Variants in SLC9A6 observed in about 807,000 individuals in gnomAD.
The protein encoded by SLC9A6 is sodium/hydrogen exchanger 6.
In SLC9A6, 6 loss-of-function variants were observed where a neutral mutation model predicts 45.3. The ratio of observed to expected loss-of-function variants is 0.13; its 90% CI spans 0.07 to 0.26. The LOEUF (loss-of-function observed/expected upper bound fraction) is 0.26, where lower values mean the gene tolerates loss of function less well. Among genes scored for constraint, SLC9A6 ranks in the 10% least tolerant of loss-of-function variants. The probability of loss-of-function intolerance (pLI) is 1.00; values close to 1 mark genes in which losing one functional copy is unlikely to be tolerated. For missense variants in SLC9A6, 278 were observed against 503.7 expected, an observed-to-expected ratio of 0.55 and a Z score of 4.29; for synonymous variants, 191 against 187.7, an observed-to-expected ratio of 1.02 and a Z score of -0.14.
chrX:136,032,686 A>G (rs782740056), intron 15 of SLC9A6, among the ~76,000 whole-genome samples: 4 of 111,724 alleles, frequency 3.6e-5, no homozygotes, highest in African/African-American at 6.5e-5. Flanking sequence ...GAATTTCCCT[A>G]CTTGTTTTTA....
chrX:136,018,193 T>C (rs2071057436), intron 11 of SLC9A6, among the ~76,000 whole-genome samples: 1 of 111,866 alleles, frequency 8.9e-6, no homozygotes, highest in Admixed American at 9.5e-5. Context: ...GGGACTATCT[T>C]GGGGGATGGC....
At chrX:136,001,192 C>G (rs1413545480) in intron 6 of SLC9A6, among the ~76,000 whole-genome samples, 1 of 108,691 alleles carries the variant, frequency 9.2e-6, no homozygotes, top group East Asian at 2.9e-4. Context: ...AAAAAATTAG[C>G]CAGGTGTTCT....
chrX:136,032,025 C>T (rs915950041), intron 15 of SLC9A6, among the ~76,000 whole-genome samples: 1 of 112,194 alleles, frequency 8.9e-6, no homozygotes, highest in South Asian at 3.7e-4. Context: ...AAGCCAAAAC[C>T]CAGAATCTAA....
In SLC9A6 at chrX:135,995,013, C is replaced by CT. The variant is rs1185917686; in HGVS notation, c.369+34dup. 1.0e-4 allele frequency: 102 copies of CT among 1,021,664 alleles called. 3 individuals are homozygous for CT. Among genetic ancestry groups the CT allele is most frequent in the Non-Finnish European group, 1.4e-5 (10 of 726,359 alleles). 84.2% of individuals were successfully genotyped at this position (1,021,664 alleles called of 1,213,427 possible). ...AAGTTCTTAAAGGAAATCTTTGAATCTTTTTTGTGTCTAACTAGCAGCAAA... is the reference window on the plus strand; with the variant it reads ...AAGTTCTTAAAGGAAATCTTTGAATCTTTTTTTGTGTCTAACTAGCAGCAAA... On this transcript the variant is annotated intron_variant, in intron 3 of 17. Coordinates refer to ENST00000630721, the MANE Select transcript of SLC9A6 (RefSeq NM_001379110.1).
intron 13 of SLC9A6, among the ~76,000 whole-genome samples, chrX:136,027,435 C>T (rs2071247964): frequency 9.0e-6 from 1 of 111,468 alleles, no homozygotes; most frequent in African/African-American, 3.3e-5. Flanking sequence ...GTTGAATGAA[C>T]AGGAAAAAAA....
Position 136,047,133 on chromosome X carries a change from C to A in SLC9A6, c.*2409C>A, listed in dbSNP as rs1255426933. The stretch of plus-strand genomic sequence containing the variant: ...AGTTATAGCCTTGCAAATAACCACT[C>A]ACAGTATTTGAGTCACAGTTTATTT... On this transcript the variant is annotated 3_prime_UTR_variant, in exon 18 of 18. Transcript: ENST00000630721. The A allele has an allele frequency of 8.9e-6, 1 of 112,505 alleles. No individual in the cohort carries two copies. The highest frequency in any genetic ancestry group is 3.2e-5 in the African/African-American group (1 of 30,831). 9.3% of individuals were successfully genotyped at this position (112,505 alleles called of 1,213,427 possible).
At chrX:135,983,735 A>G (rs1446668773), upstream of SLC9A6, 11 of 101,862 alleles carry the variant, frequency 1.1e-4, no homozygotes, top group African/African-American at 4.0e-4. Flanking sequence ...CCCAACACTC[A>G]GTGAAAAGTG....
chrX:136,028,840 G>C, intron 13 of SLC9A6, 46 bp from the exon 14 acceptor site: 1 of 292,309 alleles, frequency 3.4e-6, no homozygotes, highest in Non-Finnish European at 6.0e-6. Context: ...GTTGTCTGTA[G>C]TAGTTAATTT....
At chrX:135,974,036 G>A, upstream of SLC9A6, 1 of 488,252 alleles carries the variant, frequency 2.0e-6, no homozygotes, top group Non-Finnish European at 3.0e-6. Flanking sequence ...GAACAGGGTG[G>A]GGCAGAGGGA....
At position 136,010,502 on chromosome X, in the gene SLC9A6, G is replaced by A; in HGVS notation, c.804G>A (p.Met268Ile). ...GTCACACCTTTGATGTCACAGCGATGTTCAAGTCTATTGGGATCTTCCTTG... is the reference window on the plus strand; with the variant it reads ...GTCACACCTTTGATGTCACAGCGATATTCAAGTCTATTGGGATCTTCCTTG... ...DNSHTFDVTA[M>I]FKSIGIFLGI... The change falls in exon 8 of 18, where the codon ATG (methionine) becomes ATA (isoleucine). Residue 268 changes from methionine to isoleucine, a missense_variant. Around this residue, in one of 5 missense-constraint regions of SLC9A6, gnomAD observed 118 missense variants for 209.9 expected, o/e 0.56. Coordinates refer to ENST00000630721, the MANE Select transcript of SLC9A6 (RefSeq NM_001379110.1). 8.3e-7 allele frequency: 1 copy of A among 1,211,177 alleles called. No individual in the cohort carries two copies. Among genetic ancestry groups the A allele is most frequent in the Non-Finnish European group, 1.1e-6 (1 of 894,775 alleles).
At chrX:136,023,978 C>G (rs996264634) in intron 12 of SLC9A6, among the ~76,000 whole-genome samples, 9 of 110,144 alleles carry the variant, frequency 8.2e-5, no homozygotes, top group African/African-American at 3.0e-4. Context: ...TAACCTCTGC[C>G]TCCCTGGTTC....
At chrX:135,978,037 A>T (rs2089270688) in intron 1 of SLC9A6, among the ~76,000 whole-genome samples, 2 of 112,405 alleles carry the variant, frequency 1.8e-5, no homozygotes, top group South Asian at 7.3e-4. Context: ...AATAGTGTTT[A>T]CCTGCCTAGG....
At chrX:136,013,083 A>G (rs2070953730) in intron 9 of SLC9A6, 29 bp downstream of exon 9, 8 of 1,054,824 alleles carry the variant, frequency 7.6e-6, no homozygotes, top group East Asian at 3.0e-5. Flanking sequence ...TTGATTGTCA[A>G]CCCTTAAAAG....
intron 1 of SLC9A6, among the ~76,000 whole-genome samples, chrX:135,976,016 C>G (rs964129431): frequency 9.7e-6 from 1 of 103,020 alleles, no homozygotes; most frequent in African/African-American, 3.5e-5. Context: ...AAGAAGACAT[C>G]TAAAATTAAT....
At chrX:136,043,537 T>A (rs908404765) in intron 17 of SLC9A6, among the ~76,000 whole-genome samples, 12 of 112,061 alleles carry the variant, frequency 1.1e-4, no homozygotes, top group African/African-American at 3.9e-4. Context: ...AGAATATACT[T>A]CCCTCAAGGA....
rs782289220 is a variant in SLC9A6 at position 136,045,141 on chromosome X, A to G, written c.*417A>G. The G allele has an allele frequency of 8.8e-5, 12 of 135,845 alleles. No homozygotes were observed. The highest frequency in any genetic ancestry group is 1.7e-4 in the Non-Finnish European group (12 of 68,715). 11.2% of individuals were successfully genotyped at this position (135,845 alleles called of 1,213,427 possible). A position where few individuals can be genotyped will look rare whatever the true frequency, so the allele number is the denominator to read the frequency against. On this transcript the variant is annotated 3_prime_UTR_variant, in exon 18 of 18. Coordinates refer to ENST00000630721, the MANE Select transcript of SLC9A6 (RefSeq NM_001379110.1). ...GGGAGTGTTATTTCCTTGGGAACCT[A>G]GGGAGGAGAGGTTCCTTTGTTGGGA... is the stretch of plus-strand genomic sequence containing the variant.
intron 12 of SLC9A6, among the ~76,000 whole-genome samples, chrX:136,023,388 A>T (rs2071172089): frequency 9.6e-6 from 1 of 103,710 alleles, no homozygotes; most frequent in East Asian, 3.1e-4. Context: ...ACCTGGAAAC[A>T]ACCCACTTGT....
intron 7 of SLC9A6, among the ~76,000 whole-genome samples, chrX:136,009,389 A>AT (rs1281278790): frequency 1.0e-4 from 11 of 109,352 alleles, no homozygotes; most frequent in South Asian, 7.6e-4. Context: ...TTGATCTTAG[A>AT]TTTTTTTTTT....
At position 136,008,348 on chromosome X, in the gene SLC9A6, G is replaced by C. The variant is rs138718572; in HGVS notation, c.744-2094G>C. Among the ~76,000 whole-genome samples, 547 of 111,597 alleles carry C rather than the reference G, an allele frequency of 4.9e-3. 3 individuals carry two copies. Among genetic ancestry groups the C allele is most frequent in the African/African-American group, 0.016 (482 of 30,735 alleles). On this transcript the variant is annotated intron_variant, in intron 7 of 17. Transcript: ENST00000630721. ...CCTCCCGGGTTCATGAGGTTCACCT[G>C]CCTTAGCCTCCCAAGTAGCTGGGAT...
Sources: allele counts gnomAD v4.1 joint callset (sites outside exome capture counted in the v4.1 genomes callset), GRCh38; gene constraint gnomAD v4.1.1; regional missense constraint gnomAD v4.1.1; transcripts MANE v1.5; gene names NCBI Gene and HGNC (gene_info 2026-07-23, HGNC 2026-07-21).